Variants in CNGB1 observed in about 807,000 individuals in gnomAD.
The protein encoded by CNGB1 is cyclic nucleotide-gated channel beta-1.
In CNGB1, 126 loss-of-function variants were observed where a neutral mutation model predicts 151.7. The ratio of observed to expected loss-of-function variants is 0.83; its 90% confidence interval spans 0.72 to 0.96. The LOEUF is 0.96. CNGB1 is among the 40% of genes least tolerant of loss of function. CNGB1 has a pLI of 0.00. For synonymous variants in CNGB1, 623 were observed against 635.1 expected, an observed-to-expected ratio of 0.98 and a Z score of 0.29; for missense variants, 1,698 against 1,627.0, an observed-to-expected ratio of 1.04 and a Z score of -0.75.
chr16:57,890,670 G>A (rs951875035), intron 31 of CNGB1, among the ~76,000 whole-genome samples: 23 of 152,188 alleles, frequency 1.5e-4, no homozygotes, highest in Non-Finnish European at 2.9e-4. Flanking sequence ...TGGTCAAGCC[G>A]GAGATCTCAG....
At chr16:57,902,849 G>A (rs1355385652) in intron 27 of CNGB1, among the ~76,000 whole-genome samples, 1 of 151,962 alleles carries the variant, frequency 6.6e-6, no homozygotes, top group Non-Finnish European at 1.5e-5. Flanking sequence ...CTGGGCTCAA[G>A]TGATCCTCCC....
intron 25 of CNGB1, among the ~76,000 whole-genome samples, chr16:57,910,813 T>C (rs895902063): frequency 6.6e-6 from 1 of 151,860 alleles, no homozygotes; most frequent in Non-Finnish European, 1.5e-5. Flanking sequence ...TGATGTATCC[T>C]GTCCCGCTAA....
chr16:57,950,468 G>T lies in CNGB1; in HGVS notation c.947C>A (p.Ala316Asp). ...TGGGCTGGTACTGACATCCTGGTGGGCATCCTCCCAGGGCGGTTCAACCTC... is the reference window on the plus strand; with the variant it reads ...TGGGCTGGTACTGACATCCTGGTGGTCATCCTCCCAGGGCGGTTCAACCTC... ...LEEVEPPWED[A>D]HQDVSTSPQG... The change falls in exon 13 of 33, where the codon GCC becomes GAC. Residue 316 changes from alanine (A) to aspartate (D), a missense_variant. Coordinates refer to ENST00000251102, the MANE Select transcript of CNGB1 (RefSeq NM_001297.5). The T allele has an allele frequency of 1.9e-6, 3 of 1,614,208 alleles. No homozygotes were observed. In the South Asian group the frequency reaches 3.3e-5, roughly 18 times the overall value.
At chr16:57,885,525 T>C (rs541941301) in intron 32 of CNGB1, among the ~76,000 whole-genome samples, 3 of 149,662 alleles carry the variant, frequency 2.0e-5, no homozygotes, top group African/African-American at 7.5e-5. Context: ...TTCCTTCCTT[T>C]TTTCCTTCCT....
chr16:57,945,712 GTC>G (rs1382182065), intron 14 of CNGB1, among the ~76,000 whole-genome samples: 4 of 152,368 alleles, frequency 2.6e-5, no homozygotes, highest in Admixed American at 1.3e-4. Context: ...GCAGGGCTCT[GTC>G]TCTGAACCTC....
At chr16:57,963,340 G>A (rs1002940823) in intron 4 of CNGB1, among the ~76,000 whole-genome samples, 1 of 152,178 alleles carries the variant, frequency 6.6e-6, no homozygotes, top group Non-Finnish European at 1.5e-5. Flanking sequence ...TGAAAAATAG[G>A]GGATGCTGAT....
Position 57,931,799 on chromosome 16 carries a change from A to T in CNGB1, c.1452T>A (p.Asn484Lys). ...GTGGCGGCAACACGGTTGAGGGTGG[A>T]TTCTCTTCTGCCATGAGGGGGCAGC... Reference protein sequence around the residue: ...ADSCPLMAEENPPSTVLPPPS... With the variant: ...ADSCPLMAEEKPPSTVLPPPS... Residue 484 changes from asparagine (N) to lysine (K), a missense_variant, in exon 17 of 33, where the codon AAT becomes AAA. Coordinates refer to ENST00000251102, the MANE Select transcript of CNGB1 (RefSeq NM_001297.5). 6.2e-7 allele frequency: 1 copy of T among 1,614,148 alleles called. No homozygotes were observed. Among genetic ancestry groups the T allele is most frequent in the Non-Finnish European group, 8.5e-7 (1 of 1,180,032 alleles).
Position 57,940,403 on chromosome 16 carries a change from C to T in CNGB1, c.1122-82G>A, listed in dbSNP as rs1030850562. ...TTCCCCAGCCCTGCTGAGGGCCACG[C>T]TCTGTGCCAGGAGCGGAGGGTACAG... is the stretch of plus-strand genomic sequence containing the variant. On this transcript the variant is annotated intron_variant, in intron 14 of 32. Transcript: ENST00000251102. The T allele has an allele frequency of 8.7e-6, 12 of 1,371,794 alleles. No individual in the cohort carries two copies. In the East Asian group the frequency reaches 2.7e-4, roughly 31 times the overall value. 85.0% of individuals were successfully genotyped at this position (1,371,794 alleles called of 1,614,324 possible). A position where few individuals can be genotyped will look rare whatever the true frequency, so the allele number is the denominator to read the frequency against.
At chr16:57,912,478 C>G (rs115164193) in intron 24 of CNGB1, among the ~76,000 whole-genome samples, 2 of 152,112 alleles carry the variant, frequency 1.3e-5, no homozygotes, top group Non-Finnish European at 2.9e-5. Context: ...GAGGCGGGAC[C>G]AGGAAGATGC....
intron 23 of CNGB1, 92 bp from the exon 24 acceptor site, chr16:57,913,086 T>C: frequency 8.4e-7 from 1 of 1,194,698 alleles, no homozygotes; most frequent in East Asian, 2.3e-5. Context: ...GGGCTCTTCC[T>C]GCAGCCCCCA....
chr16:57,928,419 T>C (rs1228502575), intron 17 of CNGB1, among the ~76,000 whole-genome samples: 1 of 152,192 alleles, frequency 6.6e-6, no homozygotes. Flanking sequence ...ACAGCCATCA[T>C]AAGTGAGCAT....
intron 2 of CNGB1, among the ~76,000 whole-genome samples, chr16:57,964,868 T>G (rs1371415739): frequency 6.6e-6 from 1 of 152,104 alleles, no homozygotes; most frequent in Non-Finnish European, 1.5e-5. Flanking sequence ...CATTTAGAGA[T>G]AGTTATGAAG....
intron 17 of CNGB1, 60 bp downstream of exon 17, chr16:57,931,656 C>A (rs1168068695): frequency 1.3e-6 from 2 of 1,585,082 alleles, no homozygotes; most frequent in African/African-American, 2.7e-5. Context: ...GTCTCTTCAT[C>A]TGCCAAATAA....
intron 25 of CNGB1, among the ~76,000 whole-genome samples, chr16:57,906,399 A>T (rs1960552288): frequency 6.6e-6 from 1 of 152,190 alleles, no homozygotes; most frequent in Non-Finnish European, 1.5e-5. Flanking sequence ...ATTCGCCCAT[A>T]TCCTCAAGAA....
intron 14 of CNGB1, among the ~76,000 whole-genome samples, chr16:57,948,075 G>T (rs1176116461): frequency 6.6e-6 from 1 of 152,158 alleles, no homozygotes; most frequent in Non-Finnish European, 1.5e-5. Context: ...TACCATGGTG[G>T]TCAGAGACAC....
chr16:57,928,892 G>A (rs923565223), intron 17 of CNGB1, among the ~76,000 whole-genome samples: 1 of 152,092 alleles, frequency 6.6e-6, no homozygotes, highest in Admixed American at 6.6e-5. Context: ...ATCTGCCTCC[G>A]CCTCCCAAAG....
intron 25 of CNGB1, among the ~76,000 whole-genome samples, chr16:57,905,334 G>A (rs758015791): frequency 2.2e-4 from 34 of 151,618 alleles, no homozygotes; most frequent in Middle Eastern, 3.4e-3. Context: ...TTTCTGACCC[G>A]CCCCTACCCG....
At chr16:57,960,206 TC>T in intron 9 of CNGB1, 141 bp from the exon 10 acceptor site, 1 of 1,449,408 alleles carries the variant, frequency 6.9e-7, no homozygotes, top group Non-Finnish European at 9.2e-7. Context: ...ATCCCAATCC[TC>T]AAACAGACCA....
intron 31 of CNGB1, among the ~76,000 whole-genome samples, chr16:57,896,182 AC>A (rs1269843124): frequency 6.6e-6 from 1 of 152,212 alleles, no homozygotes; most frequent in Non-Finnish European, 1.5e-5. Context: ...GAAGGTGACT[AC>A]CCACTAATTA....
Sources: allele counts gnomAD v4.1 joint callset (sites outside exome capture counted in the v4.1 genomes callset), GRCh38; gene constraint gnomAD v4.1.1; transcripts MANE v1.5; gene names NCBI Gene and HGNC (gene_info 2026-07-23, HGNC 2026-07-21).